Variants in H4C3 observed in about 807,000 individuals in gnomAD.
The protein encoded by H4C3 is H4 clustered histone 3, also known as histone H4.
In H4C3, 10 loss-of-function variants were observed where a neutral mutation model predicts 5.3. That is an observed-to-expected ratio of 1.87 (90% CI 1.16 to 3.18). The LOEUF (loss-of-function observed/expected upper bound fraction) is 3.18. H4C3 is among the 30% of genes most tolerant of loss of function. The pLI, the probability that H4C3 is intolerant of heterozygous loss-of-function variation, is 0.00. For synonymous variants in H4C3, 133 were observed against 56.8 expected, an observed-to-expected ratio of 2.34 and a Z score of -6.03; for missense variants, 191 against 152.5, an observed-to-expected ratio of 1.25 and a Z score of -1.33.
chr6:26,104,291 AAAAAAC>A lies in H4C3; in HGVS notation c.*44_*49del, dbSNP rs753702310. The A allele has an allele frequency of 1.9e-5, 29 of 1,535,894 alleles. No homozygotes were observed. Among genetic ancestry groups the A allele is most frequent in the East Asian group, 4.6e-5 (2 of 43,878 alleles). On this transcript the variant is annotated 3_prime_UTR_variant, in exon 1 of 1. Transcript: ENST00000377803. Reference sequence around the variant, plus strand: ...GAATACGCGGTCTCCTGAGAACTTCAAAAAACAAAAACAAAAAAACCCAAAGGCCCT... The same window carrying A: ...GAATACGCGGTCTCCTGAGAACTTCAAAAAACAAAAAAACCCAAAGGCCCT...
In H4C3 at chr6:26,104,014, C is replaced by T. The variant is rs775824271; in HGVS notation, c.67C>T (p.Leu23Phe). ...KGGAKRHRKV[L>F]RDNIQGITKP... Reference sequence around the variant, plus strand: ...TGGTGCTAAGCGCCATCGTAAGGTGCTCCGGGATAACATCCAGGGCATTAC... The same window carrying T: ...TGGTGCTAAGCGCCATCGTAAGGTGTTCCGGGATAACATCCAGGGCATTAC... Residue 23 changes from leucine (L) to phenylalanine (F), a missense_variant, in exon 1 of 1, where the codon CTC becomes TTC. Leu to Phe is a conservative substitution (Grantham distance 22, BLOSUM62 0). Coordinates refer to ENST00000377803, the MANE Select transcript of H4C3 (RefSeq NM_003542.4). 1.9e-6 allele frequency: 3 copies of T among 1,614,160 alleles called. No homozygotes were observed. Among genetic ancestry groups the T allele is most frequent in the Non-Finnish European group, 8.5e-7 (1 of 1,180,012 alleles).
rs150455092 is a variant in H4C3 at position 26,104,148 on chromosome 6, T to C, written c.201T>C (p.Ile67=). The change falls in exon 1 of 1, where the codon ATT becomes ATC. Residue 67 remains isoleucine (I), a synonymous_variant. Coordinates refer to ENST00000377803, the MANE Select transcript of H4C3 (RefSeq NM_003542.4). ...GVLKVFLENV[I]RDAVTYTEHA... is the part of the protein sequence containing the mutation. ...TTAAGGTTTTCTTAGAGAACGTTATTCGAGACGCCGTCACCTATACGGAGC... is the reference window on the plus strand; with the variant it reads ...TTAAGGTTTTCTTAGAGAACGTTATCCGAGACGCCGTCACCTATACGGAGC... 1.2e-5 allele frequency: 19 copies of C among 1,614,028 alleles called. No homozygotes were observed. Among genetic ancestry groups the C allele is most frequent in the Admixed American group, 6.7e-5 (4 of 59,998 alleles).
Position 26,104,296 on chromosome 6 carries a change from A to G in H4C3, c.*37A>G, listed in dbSNP as rs1041766698. The G allele has an allele frequency of 2.0e-6, 3 of 1,529,298 alleles. No homozygotes were observed. The highest frequency in any genetic ancestry group is 2.6e-6 in the Non-Finnish European group (3 of 1,137,504). The allele number at this position is 1,529,298 out of a possible 1,614,324, so 94.7% of individuals were successfully genotyped here. On this transcript the variant is annotated 3_prime_UTR_variant, in exon 1 of 1. Transcript: ENST00000377803. ...CGCGGTCTCCTGAGAACTTCAAAAA[A>G]CAAAAACAAAAAAACCCAAAGGCCC...
chr6:26,103,940 T>TA lies in H4C3; in HGVS notation c.-7dup, dbSNP rs1229162719. ...TTTCAGTTCATACCTTCCACTGCGA[T>TA]AGGAATCATGTCTGGTCGCGGCAAA... On this transcript the variant is annotated 5_prime_UTR_variant, in exon 1 of 1. Transcript: ENST00000377803. The TA allele has an allele frequency of 3.1e-6, 5 of 1,595,970 alleles. No individual in the cohort carries two copies. Among genetic ancestry groups the TA allele is most frequent in the Non-Finnish European group, 4.3e-6 (5 of 1,167,606 alleles).
At position 26,104,104 on chromosome 6, in the gene H4C3, G is replaced by C; in HGVS notation, c.157G>C (p.Glu53Gln). The change falls in exon 1 of 1, where the codon GAG becomes CAG. Residue 53 changes from glutamate (E) to glutamine (Q), a missense_variant. Physicochemically the swap from Glu to Gln is conservative, Grantham distance 29 (BLOSUM62 2). Transcript: ENST00000377803. ...CAAGCGCATTTCCGGTCTTATCTATGAGGAGACTCGAGGTGTGCTTAAGGT... is the reference window on the plus strand; with the variant it reads ...CAAGCGCATTTCCGGTCTTATCTATCAGGAGACTCGAGGTGTGCTTAAGGT... The part of the protein sequence containing the change: ...GVKRISGLIY[E>Q]ETRGVLKVFL... The C allele has an allele frequency of 6.2e-7, 1 of 1,614,160 alleles. No individual in the cohort carries two copies. The highest frequency in any genetic ancestry group is 8.5e-7 in the Non-Finnish European group (1 of 1,180,042).
chr6:26,103,939 A>C lies in H4C3; in HGVS notation c.-9A>C. On this transcript the variant is annotated 5_prime_UTR_variant, in exon 1 of 1. Coordinates refer to ENST00000377803, the MANE Select transcript of H4C3 (RefSeq NM_003542.4). ...GTTTCAGTTCATACCTTCCACTGCG[A>C]TAGGAATCATGTCTGGTCGCGGCAA... 6.3e-7 allele frequency: 1 copy of C among 1,596,040 alleles called. No homozygotes were observed. The highest frequency in any genetic ancestry group is 8.6e-7 in the Non-Finnish European group (1 of 1,167,394).
rs1275347395 is a variant in H4C3 at position 26,104,225 on chromosome 6, G to A, written c.278G>A (p.Arg93His). Reference protein sequence around the residue: ...TAMDVVYALKRQGRTLYGFGG With the variant: ...TAMDVVYALKHQGRTLYGFGG The stretch of plus-strand genomic sequence containing the variant: ...ATGGATGTAGTATATGCCCTAAAAC[G>A]TCAGGGGCGCACTCTGTATGGCTTC... Residue 93 changes from arginine to histidine, a missense_variant, in exon 1 of 1, where the codon CGT becomes CAT. Physicochemically the swap from Arg to His is conservative, Grantham distance 29. Transcript: ENST00000377803. The A allele has an allele frequency of 1.9e-6, 3 of 1,608,638 alleles. No individual in the cohort carries two copies. Among genetic ancestry groups the A allele is most frequent in the African/African-American group, 1.3e-5 (1 of 74,812 alleles).
Position 26,104,332 on chromosome 6 carries a change from C to G in H4C3, c.*73C>G, listed in dbSNP as rs1763203846. 2 of 1,369,642 alleles carry G rather than the reference C, an allele frequency of 1.5e-6. No homozygotes were observed. The highest frequency in any genetic ancestry group is 1.5e-5 in the African/African-American group (1 of 68,802). 84.8% of individuals were successfully genotyped at this position (1,369,642 alleles called of 1,614,324 possible). A position where few individuals can be genotyped will look rare whatever the true frequency, so the allele number is the denominator to read the frequency against. ...AAAACCCAAAGGCCCTTTTCAGGGC[C>G]GCTCACAAAGTCGTTTAAAGAGCTG... is the stretch of plus-strand genomic sequence containing the variant. On this transcript the variant is annotated 3_prime_UTR_variant, in exon 1 of 1. Coordinates refer to ENST00000377803, the MANE Select transcript of H4C3 (RefSeq NM_003542.4).
Position 26,104,310 on chromosome 6 carries a change from A to C in H4C3, c.*51A>C, listed in dbSNP as rs560544580. Reference sequence around the variant, plus strand: ...AACTTCAAAAAACAAAAACAAAAAAACCCAAAGGCCCTTTTCAGGGCCGCT... The same window carrying C: ...AACTTCAAAAAACAAAAACAAAAAACCCCAAAGGCCCTTTTCAGGGCCGCT... On this transcript the variant is annotated 3_prime_UTR_variant, in exon 1 of 1. Coordinates refer to ENST00000377803, the MANE Select transcript of H4C3 (RefSeq NM_003542.4). 4 of 1,500,046 alleles carry C rather than the reference A, an allele frequency of 2.7e-6. No homozygotes were observed. The highest frequency in any genetic ancestry group is 3.6e-6 in the Non-Finnish European group (4 of 1,117,154). 92.9% of individuals were successfully genotyped at this position (1,500,046 alleles called of 1,614,324 possible). A position where few individuals can be genotyped will look rare whatever the true frequency, so the allele number is the denominator to read the frequency against.
chr6:26,103,935 T>C lies in H4C3; in HGVS notation c.-13T>C, dbSNP rs538001977. The C allele has an allele frequency of 5.0e-6, 8 of 1,593,490 alleles. No homozygotes were observed. The African/African-American group carries it at 9.4e-5, about 19-fold the overall frequency. On this transcript the variant is annotated 5_prime_UTR_variant, in exon 1 of 1. Coordinates refer to ENST00000377803, the MANE Select transcript of H4C3 (RefSeq NM_003542.4). ...AACTGTTTCAGTTCATACCTTCCAC[T>C]GCGATAGGAATCATGTCTGGTCGCG...
At position 26,103,982 on chromosome 6, in the gene H4C3, G is replaced by C. The variant is rs201728993; in HGVS notation, c.35G>C (p.Gly12Ala). ...CGCGGCAAAGGCGGAAAAGGCTTGG[G>C]GAAGGGTGGTGCTAAGCGCCATCGT... ...SGRGKGGKGL[G>A]KGGAKRHRKV... is the part of the protein sequence containing the mutation. Residue 12 changes from glycine (G) to alanine (A), a missense_variant, in exon 1 of 1, where the codon GGG becomes GCG. Transcript: ENST00000377803. The C allele has an allele frequency of 1.2e-6, 2 of 1,612,662 alleles. No individual in the cohort carries two copies. The highest frequency in any genetic ancestry group is 1.1e-5 in the South Asian group (1 of 91,050).
Position 26,104,113 on chromosome 6 carries a change from C to T in H4C3, c.166C>T (p.Arg56Ter), listed in dbSNP as rs779327642. The change falls in exon 1 of 1, where the codon CGA becomes TGA. Residue 56 changes from arginine (R) to a stop codon, truncating the protein, a stop_gained. Coordinates refer to ENST00000377803, the MANE Select transcript of H4C3 (RefSeq NM_003542.4). LOFTEE classifies it high-confidence loss of function. The part of the protein sequence containing the change: ...RISGLIYEET[R>*]GVLKVFLENV... ...TTCCGGTCTTATCTATGAGGAGACT[C>T]GAGGTGTGCTTAAGGTTTTCTTAGA... is the stretch of plus-strand genomic sequence containing the variant. 54 of 1,613,978 alleles carry T rather than the reference C, an allele frequency of 3.3e-5. No homozygotes were observed. Among genetic ancestry groups the T allele is most frequent in the Non-Finnish European group, 4.2e-5 (50 of 1,180,036 alleles).
chr6:26,104,154 C>T lies in H4C3; in HGVS notation c.207C>T (p.Asp69=), dbSNP rs2229767. 8.1e-3 allele frequency: 13,061 copies of T among 1,614,030 alleles called. 471 individuals are homozygous for T. The African/African-American group carries it at 0.11, about 13-fold the overall frequency. ...TTTTCTTAGAGAACGTTATTCGAGA[C>T]GCCGTCACCTATACGGAGCACGCCA... ...LKVFLENVIR[D]AVTYTEHAKR... is the part of the protein sequence containing the mutation. Residue 69 remains aspartate (D), a synonymous_variant, in exon 1 of 1, where the codon GAC becomes GAT. Coordinates refer to ENST00000377803, the MANE Select transcript of H4C3 (RefSeq NM_003542.4).
chr6:26,104,256 C>T lies in H4C3; in HGVS notation c.309C>T (p.Gly103=), dbSNP rs1474777437. 6 of 1,586,148 alleles carry T rather than the reference C, an allele frequency of 3.8e-6. No individual in the cohort carries two copies. The highest frequency in any genetic ancestry group is 2.3e-5 in the East Asian group (1 of 44,310). Residue 103 remains glycine, a synonymous_variant, in exon 1 of 1, where the codon GGC becomes GGT. Coordinates refer to ENST00000377803, the MANE Select transcript of H4C3 (RefSeq NM_003542.4). ...RQGRTLYGFG[G] ...GGCGCACTCTGTATGGCTTCGGCGG[C>T]TGAATCTAAGAATACGCGGTCTCCT...
chr6:26,104,024 A>T lies in H4C3; in HGVS notation c.77A>T (p.Asn26Ile), dbSNP rs981662733. 3 of 1,614,012 alleles carry T rather than the reference A, an allele frequency of 1.9e-6. No homozygotes were observed. The highest frequency in any genetic ancestry group is 2.5e-6 in the Non-Finnish European group (3 of 1,180,024). ...AKRHRKVLRD[N>I]IQGITKPAIR... is the part of the protein sequence containing the mutation. ...CGCCATCGTAAGGTGCTCCGGGATA[A>T]CATCCAGGGCATTACAAAACCGGCT... Residue 26 changes from asparagine to isoleucine, a missense_variant, in exon 1 of 1, where the codon AAC (asparagine) becomes ATC (isoleucine). Transcript: ENST00000377803.
At position 26,104,239 on chromosome 6, in the gene H4C3, C is replaced by T. The variant is rs781429243; in HGVS notation, c.292C>T (p.Leu98=). The change falls in exon 1 of 1, where the codon CTG becomes TTG. Residue 98 remains leucine, a synonymous_variant. Coordinates refer to ENST00000377803, the MANE Select transcript of H4C3 (RefSeq NM_003542.4). ...VYALKRQGRT[L]YGFGG ...TGCCCTAAAACGTCAGGGGCGCACTCTGTATGGCTTCGGCGGCTGAATCTA... is the reference window on the plus strand; with the variant it reads ...TGCCCTAAAACGTCAGGGGCGCACTTTGTATGGCTTCGGCGGCTGAATCTA... The T allele has an allele frequency of 4.4e-6, 7 of 1,599,142 alleles. No individual in the cohort carries two copies. The East Asian group carries it at 1.3e-4, about 31-fold the overall frequency.
chr6:26,104,080 A>T lies in H4C3; in HGVS notation c.133A>T (p.Lys45Ter), dbSNP rs1455511673. The change falls in exon 1 of 1, where the codon AAG becomes TAG. Residue 45 changes from lysine (K) to a stop codon, truncating the protein, a stop_gained. Coordinates refer to ENST00000377803, the MANE Select transcript of H4C3 (RefSeq NM_003542.4). LOFTEE classifies it high-confidence loss of function. ...IRRLARRGGV[K>*]RISGLIYEET... is the part of the protein sequence containing the mutation. ...CCGTTTGGCTCGGCGCGGTGGCGTC[A>T]AGCGCATTTCCGGTCTTATCTATGA... 6.2e-7 allele frequency: 1 copy of T among 1,614,170 alleles called. No individual in the cohort carries two copies.
rs1561949160 is a variant in H4C3 at position 26,104,143 on chromosome 6, G to C, written c.196G>C (p.Val66Leu). ...RGVLKVFLENVIRDAVTYTEH... is the reference protein window; with the variant it reads ...RGVLKVFLENLIRDAVTYTEH... ...TGTGCTTAAGGTTTTCTTAGAGAAC[G>C]TTATTCGAGACGCCGTCACCTATAC... Residue 66 changes from valine to leucine, a missense_variant, in exon 1 of 1, where the codon GTT becomes CTT. Physicochemically the swap from Val to Leu is conservative, Grantham distance 32. Coordinates refer to ENST00000377803, the MANE Select transcript of H4C3 (RefSeq NM_003542.4). 1.2e-6 allele frequency: 2 copies of C among 1,614,158 alleles called. No homozygotes were observed. The highest frequency in any genetic ancestry group is 8.5e-7 in the Non-Finnish European group (1 of 1,180,036).
At position 26,103,962 on chromosome 6, in the gene H4C3, CA is replaced by C. The variant is rs975220972; in HGVS notation, c.18del (p.Gly7AlafsTer57). 1 of 1,607,500 alleles carries C rather than the reference CA, an allele frequency of 6.2e-7. No individual in the cohort carries two copies. ...CGATAGGAATCATGTCTGGTCGCGGCAAAGGCGGAAAAGGCTTGGGGAAGGG... is the reference window on the plus strand; with the variant it reads ...CGATAGGAATCATGTCTGGTCGCGGCAAGGCGGAAAAGGCTTGGGGAAGGG... MSGRG[K>X]GGKGLGKGGA... On this transcript the variant is annotated frameshift_variant, in exon 1 of 1. Coordinates refer to ENST00000377803, the MANE Select transcript of H4C3 (RefSeq NM_003542.4). LOFTEE classifies it high-confidence loss of function.
Sources: gnomAD v4.1 joint callset for allele counts on GRCh38, gnomAD v4.1.1 for gene constraint, MANE v1.5 for transcripts, NCBI Gene and HGNC (gene_info 2026-07-23, HGNC 2026-07-21) for gene names.